Variants in NTNG2 observed in about 807,000 individuals in gnomAD.
NTNG2 encodes the protein netrin-G2.
NTNG2 carries 15 observed loss-of-function variants against 47.6 expected under a neutral mutation model. The observed-to-expected ratio is 0.32, with a 90% CI of 0.21 to 0.49. NTNG2 has a LOEUF of 0.49. Among genes scored for constraint, NTNG2 ranks in the 20% least tolerant of loss-of-function variants. The probability of loss-of-function intolerance (pLI) is 0.99; values close to 1 mark genes in which losing one functional copy is unlikely to be tolerated. For synonymous variants in NTNG2, 307 were observed against 324.6 expected (o/e 0.95, Z 0.58); for missense variants, 578 against 764.6 (o/e 0.76, Z 2.88).
chr9:132,168,957 C>T (rs929002213), intron 2 of NTNG2, among the ~76,000 whole-genome samples: 97 of 152,258 alleles, frequency 6.4e-4, no homozygotes, highest in African/African-American at 2.1e-3. Flanking sequence ...GTCATTGGCC[C>T]TGGACCTCTG....
chr9:132,169,108 C>A (rs540010354), intron 2 of NTNG2, among the ~76,000 whole-genome samples: 2 of 152,248 alleles, frequency 1.3e-5, no homozygotes, highest in Admixed American at 6.5e-5. Context: ...AGAGTGCTCT[C>A]TCCCATCCCC....
intron 3 of NTNG2, among the ~76,000 whole-genome samples, chr9:132,206,312 A>T (rs559887256): frequency 1.3e-5 from 2 of 152,166 alleles, no homozygotes; most frequent in African/African-American, 2.4e-5. Context: ...GGGGTCCATG[A>T]TCCCAAAATA....
chr9:132,198,340 C>G lies in NTNG2; in HGVS notation c.588C>G (p.Thr196=). The change falls in exon 3 of 8, where the codon ACC becomes ACG. Residue 196 remains threonine, a synonymous_variant. Coordinates refer to ENST00000393229, the MANE Select transcript of NTNG2 (RefSeq NM_032536.4). The part of the protein sequence containing the change: ...SSSSAHRVLC[T]EEYSRWAGSK... ...CCAGCGCGCACCGCGTGCTCTGCAC[C>G]GAGGAGTACTCGCGCTGGGCAGGCT... The G allele has an allele frequency of 1.2e-6, 2 of 1,612,800 alleles. No individual in the cohort carries two copies. The highest frequency in any genetic ancestry group is 1.7e-6 in the Non-Finnish European group (2 of 1,179,906).
intron 3 of NTNG2, among the ~76,000 whole-genome samples, chr9:132,217,824 AT>A (rs1025600691): frequency 4.9e-4 from 74 of 152,352 alleles, no homozygotes; most frequent in African/African-American, 1.6e-3. Flanking sequence ...TTGGCAGAAC[AT>A]CCCAGGCCAG....
Position 132,240,942 on chromosome 9 carries a change from G to C in NTNG2, c.1255G>C (p.Asp419His), listed in dbSNP as rs759744268. Residue 419 changes from aspartate (D) to histidine (H), a missense_variant, in exon 7 of 8, where the codon GAC becomes CAC. By Grantham distance (81) the Asp-to-His change is moderately conservative. Coordinates refer to ENST00000393229, the MANE Select transcript of NTNG2 (RefSeq NM_032536.4). ...CTGCAACCAGATAGGCTCCGTGCACGACCGGTGCAACGAGACCGGCTTCTG... is the reference window on the plus strand; with the variant it reads ...CTGCAACCAGATAGGCTCCGTGCACCACCGGTGCAACGAGACCGGCTTCTG... ...CNCNQIGSVH[D>H]RCNETGFCEC... 1.3e-5 allele frequency: 21 copies of C among 1,612,598 alleles called. No individual in the cohort carries two copies. The South Asian group carries it at 2.1e-4, about 16-fold the overall frequency.
At chr9:132,194,725 G>C (rs1433979662) in intron 2 of NTNG2, among the ~76,000 whole-genome samples, 1 of 152,262 alleles carries the variant, frequency 6.6e-6, no homozygotes, top group African/African-American at 2.4e-5. Context: ...ATAGGGGCCT[G>C]AGGACAGAGC....
chr9:132,202,142 G>A (rs1179504000), intron 3 of NTNG2, among the ~76,000 whole-genome samples: 1 of 152,198 alleles, frequency 6.6e-6, no homozygotes, highest in African/African-American at 2.4e-5. Context: ...CGATCCCACG[G>A]GACTCCCCTT....
chr9:132,190,005 G>C (rs1282578475), intron 2 of NTNG2, among the ~76,000 whole-genome samples: 1 of 147,914 alleles, frequency 6.8e-6, no homozygotes, highest in Non-Finnish European at 1.5e-5. Context: ...AGGCCGAGGC[G>C]GGCGGCTCAT....
chr9:132,184,694 C>A (rs1347313678), intron 2 of NTNG2, among the ~76,000 whole-genome samples: 1 of 152,120 alleles, frequency 6.6e-6, no homozygotes, highest in Non-Finnish European at 1.5e-5. Flanking sequence ...GAGGCCGAGG[C>A]GGGTGGATCA....
chr9:132,222,531 C>G (rs1441455271), intron 3 of NTNG2, among the ~76,000 whole-genome samples: 1 of 152,226 alleles, frequency 6.6e-6, no homozygotes, highest in Non-Finnish European at 1.5e-5. Flanking sequence ...TAAAATCACA[C>G]AGACTTCAGC....
chr9:132,166,527 T>G lies in NTNG2; in HGVS notation c.-305T>G. On this transcript the variant is annotated 5_prime_UTR_variant, in exon 2 of 8. Coordinates refer to ENST00000393229, the MANE Select transcript of NTNG2 (RefSeq NM_032536.4). Reference sequence around the variant, plus strand: ...TGTCACAATTTGAGAATCTGCCTGATTTGATCAGATTCACCTCCAGGGGAG... The same window carrying G: ...TGTCACAATTTGAGAATCTGCCTGAGTTGATCAGATTCACCTCCAGGGGAG... 2.4e-6 allele frequency: 1 copy of G among 412,538 alleles called. No individual in the cohort carries two copies. Among genetic ancestry groups the G allele is most frequent in the Non-Finnish European group, 4.5e-6 (1 of 220,058 alleles). The allele number at this position is 412,538 out of a possible 1,614,324, so 25.6% of individuals were successfully genotyped here. A position where few individuals can be genotyped will look rare whatever the true frequency, so the allele number is the denominator to read the frequency against.
chr9:132,209,061 G>A (rs746395201), intron 3 of NTNG2, among the ~76,000 whole-genome samples: 33 of 152,358 alleles, frequency 2.2e-4, no homozygotes, highest in Non-Finnish European at 4.3e-4. Flanking sequence ...ACTGCACACC[G>A]TGGTCTGTTT....
At chr9:132,195,472 CTATT>C (rs1347790972) in intron 2 of NTNG2, among the ~76,000 whole-genome samples, 22 of 113,668 alleles carry the variant, frequency 1.9e-4, no homozygotes, top group African/African-American at 7.6e-4. Context: ...CCACGCCTGG[CTATT>C]TTTTTTTTTT....
In NTNG2 at chr9:132,231,803, T is replaced by C. The variant is rs1011966151; in HGVS notation, c.1054+1208T>C. 1.2e-5 allele frequency: 2 copies of C among 163,102 alleles called. No individual in the cohort carries two copies. The highest frequency in any genetic ancestry group is 5.8e-5 in the Admixed American group (1 of 17,278). The allele number at this position is 163,102 out of a possible 1,614,324, so 10.1% of individuals were successfully genotyped here. ...CACAGCCCACAGGTGGGTGCCAGGG[T>C]ACAGCGACCCCTGTCATCCCACCCT... On this transcript the variant is annotated intron_variant, in intron 5 of 7. Coordinates refer to ENST00000393229, the MANE Select transcript of NTNG2 (RefSeq NM_032536.4). The surrounding 1 kb of genome is among the most constrained non-coding windows in gnomAD (Gnocchi z 4.1).
intron 4 of NTNG2, among the ~76,000 whole-genome samples, chr9:132,228,058 G>T (rs1840917151): frequency 6.6e-6 from 1 of 152,232 alleles, no homozygotes; most frequent in African/African-American, 2.4e-5. Context: ...GCGAACCTCG[G>T]GGCCCTCCCA....
intron 2 of NTNG2, among the ~76,000 whole-genome samples, chr9:132,170,160 C>A (rs930030339): frequency 1.2e-4 from 18 of 152,198 alleles, no homozygotes; most frequent in African/African-American, 4.3e-4. Context: ...GGCGGACGGC[C>A]TTTTCAGATG....
intron 4 of NTNG2, among the ~76,000 whole-genome samples, chr9:132,229,497 C>T (rs1475919462): frequency 2.0e-5 from 3 of 152,208 alleles, no homozygotes; most frequent in African/African-American, 4.8e-5. Context: ...CTGGCCAGCC[C>T]ATCACCCTCC....
At chr9:132,233,526 G>A (rs993351464) in intron 5 of NTNG2, 1 of 152,170 alleles carries the variant, frequency 6.6e-6, no homozygotes, top group Admixed American at 6.5e-5. Context: ...CCTCCCTCTC[G>A]GCAAGACAGT....
At chr9:132,174,595 G>A (rs1352412914) in intron 2 of NTNG2, among the ~76,000 whole-genome samples, 1 of 152,192 alleles carries the variant, frequency 6.6e-6, no homozygotes, top group East Asian at 1.9e-4. Flanking sequence ...GGCGTGTGAT[G>A]ACCTCAGCTG....
Sources: gnomAD v4.1 joint callset for allele counts (sites outside exome capture counted in the v4.1 genomes callset) on GRCh38, gnomAD v4.1.1 for gene constraint, Gnocchi (gnomAD v3.1) non-coding constraint, MANE v1.5 for transcripts, NCBI Gene and HGNC (gene_info 2026-07-23, HGNC 2026-07-21) for gene names.